ANO1: variants seen among roughly 807,000 people sequenced by gnomAD.
ANO1 encodes anoctamin-1.
In ANO1, 59 loss-of-function variants were observed where a neutral mutation model predicts 124.0. The ratio of observed to expected loss-of-function variants is 0.48; its 90% CI spans 0.39 to 0.59. The LOEUF is 0.59. Among genes scored for constraint, ANO1 ranks in the 20% least tolerant of loss-of-function variants. ANO1 has a pLI of 0.00. For missense variants in ANO1, 1,059 were observed against 1,328.0 expected, an observed-to-expected ratio of 0.80 and a Z score of 3.15; for synonymous variants, 529 against 532.0, an observed-to-expected ratio of 0.99 and a Z score of 0.08.
intron 1 of ANO1, among the ~76,000 whole-genome samples, chr11:70,009,570 C>T (rs61886392): frequency 0.064 from 9,782 of 152,028 alleles, 450 homozygotes; most frequent in East Asian, 0.11. Context: ...GTGCATTTTG[C>T]GTTGCTATAA....
the ANO1 span, among the ~76,000 whole-genome samples, chr11:69,971,301 C>T: frequency 6.6e-6 from 1 of 152,176 alleles, no homozygotes; most frequent in African/African-American, 2.4e-5. Context: ...TTCTATGTTC[C>T]ACACAATTTG....
intron 8 of ANO1, among the ~76,000 whole-genome samples, chr11:70,123,456 C>G (rs1421140876): frequency 6.6e-6 from 1 of 152,236 alleles, no homozygotes; most frequent in Non-Finnish European, 1.5e-5. Flanking sequence ...CTCACACTCA[C>G]TTCCTGCCCT....
intron 2 of ANO1, among the ~76,000 whole-genome samples, chr11:70,102,636 G>A (rs1308211156): frequency 2.0e-5 from 3 of 152,192 alleles, no homozygotes; most frequent in East Asian, 1.9e-4. Context: ...TCCCCTCCTC[G>A]GCACTGCTCA....
intron 1 of ANO1, among the ~76,000 whole-genome samples, chr11:70,066,536 G>A (rs998848515): frequency 6.6e-6 from 1 of 151,706 alleles, no homozygotes. Context: ...ATGCCCAACA[G>A]TCTCCTGGGA....
intron 1 of ANO1, among the ~76,000 whole-genome samples, chr11:70,026,704 C>A (rs926767123): frequency 6.6e-6 from 1 of 152,094 alleles, no homozygotes; most frequent in Non-Finnish European, 1.5e-5. Flanking sequence ...AGCACACAGA[C>A]CTTGAATCAG....
intron 7 of ANO1, 58 bp downstream of exon 7, chr11:70,111,820 G>A (rs952174287): frequency 1.1e-5 from 18 of 1,567,666 alleles, no homozygotes; most frequent in African/African-American, 1.1e-4. Flanking sequence ...AAATCCCGCC[G>A]GGCCACACCC....
the ANO1 span, among the ~76,000 whole-genome samples, chr11:69,968,323 G>A: frequency 1.9e-4 from 29 of 152,180 alleles, no homozygotes; most frequent in Non-Finnish European, 3.2e-4. Context: ...AAGCAGGAAC[G>A]ACCCCCAGGG....
intron 1 of ANO1, among the ~76,000 whole-genome samples, chr11:70,029,233 T>G (rs1565164474): frequency 6.6e-6 from 1 of 152,212 alleles, no homozygotes; most frequent in Non-Finnish European, 1.5e-5. Context: ...GGGGTTGTCC[T>G]GTGGTGCTTT....
At chr11:69,985,343 G>T, upstream of ANO1, among the ~76,000 whole-genome samples, 1 of 137,018 alleles carries the variant, frequency 7.3e-6, no homozygotes, top group East Asian at 2.6e-4. Context: ...ACCCGGGGAG[G>T]GGAGGGGGGT....
At chr11:70,070,770 C>T (rs184092327) in intron 1 of ANO1, among the ~76,000 whole-genome samples, 293 of 152,302 alleles carry the variant, frequency 1.9e-3, no homozygotes, top group African/African-American at 6.8e-3. Flanking sequence ...TGGACAAACA[C>T]TTGAGCGAAT....
chr11:69,987,959 C>T (rs920077167), intron 1 of ANO1, among the ~76,000 whole-genome samples: 2 of 152,156 alleles, frequency 1.3e-5, no homozygotes, highest in Non-Finnish European at 1.5e-5. Flanking sequence ...CGCTGCACCT[C>T]GGCTGTGTGT....
intron 1 of ANO1, chr11:70,015,140 T>C (rs1555001762): frequency 6.6e-6 from 1 of 152,166 alleles, no homozygotes; most frequent in African/African-American, 2.4e-5. Context: ...GTCCATCTCT[T>C]TGGTCTTTTT....
At chr11:70,002,472 A>AAAAAAAAAAC (rs1856400964) in intron 1 of ANO1, among the ~76,000 whole-genome samples, 1 of 151,544 alleles carries the variant, frequency 6.6e-6, no homozygotes, top group Non-Finnish European at 1.5e-5. Context: ...AAAAAAAAAA[A>AAAAAAAAAAC]AAAAACACCA....
chr11:70,099,198 G>A (rs548272297), intron 2 of ANO1, among the ~76,000 whole-genome samples: 26 of 152,304 alleles, frequency 1.7e-4, no homozygotes, highest in African/African-American at 6.3e-4. Context: ...CTGGCTGGGG[G>A]CGAAGGGGAC....
intron 2 of ANO1, among the ~76,000 whole-genome samples, chr11:70,095,333 G>GGAAAGA (rs1555017459): frequency 2.1e-5 from 2 of 96,628 alleles, no homozygotes; most frequent in African/African-American, 7.7e-5. Context: ...AAGAAAGAAA[G>GGAAAGA]GAAAGAGAAA....
At chr11:70,116,617 T>A in intron 8 of ANO1, 118 bp downstream of exon 8, 4 of 955,340 alleles carry the variant, frequency 4.2e-6, no homozygotes, top group Non-Finnish European at 6.4e-6. Context: ...CCCAGGGCGC[T>A]CGCTGCAGGG....
intron 1 of ANO1, among the ~76,000 whole-genome samples, chr11:70,001,005 T>G (rs1233589692): frequency 6.6e-6 from 1 of 151,990 alleles, no homozygotes; most frequent in Non-Finnish European, 1.5e-5. Context: ...TCTGGAAGAC[T>G]GATAGGCAGA....
At chr11:69,968,160 T>G in the ANO1 span, among the ~76,000 whole-genome samples, 1 of 152,164 alleles carries the variant, frequency 6.6e-6, no homozygotes, top group Non-Finnish European at 1.5e-5. Flanking sequence ...CACCTTCCCC[T>G]GGCCCTGTGG....
At chr11:70,038,353 G>T (rs1295193914) in intron 1 of ANO1, among the ~76,000 whole-genome samples, 1 of 152,146 alleles carries the variant, frequency 6.6e-6, no homozygotes, top group Non-Finnish European at 1.5e-5. Flanking sequence ...CTTAGAATGT[G>T]AGGTCCCATT....
Sources: gnomAD v4.1 joint callset for allele counts (sites outside exome capture counted in the v4.1 genomes callset) on GRCh38, gnomAD v4.1.1 for gene constraint, MANE v1.5 for transcripts, NCBI Gene and HGNC (gene_info 2026-07-23, HGNC 2026-07-21) for gene names.